PDCD1LG2: variants seen among roughly 807,000 people sequenced by gnomAD.
PDCD1LG2 encodes the protein B7 dendritic cell molecule.
Under a neutral mutation model 28.2 loss-of-function variants are expected in PDCD1LG2, and 32 were observed. The ratio of observed to expected loss-of-function variants is 1.13; its 90% CI spans 0.86 to 1.52. PDCD1LG2 has a LOEUF of 1.52. PDCD1LG2 is among the 40% of genes most tolerant of loss of function. The pLI, the probability that PDCD1LG2 is intolerant of heterozygous loss-of-function variation, is 0.00. For synonymous variants in PDCD1LG2, 116 were observed against 120.2 expected (o/e 0.97, Z 0.23); for missense variants, 385 against 323.8 (o/e 1.19, Z -1.45).
At chr9:5,543,336 A>G (rs373023919) in intron 3 of PDCD1LG2, among the ~76,000 whole-genome samples, 192 of 152,130 alleles carry the variant, frequency 1.3e-3, no homozygotes, top group Non-Finnish European at 1.6e-3. Flanking sequence ...TCAGGAGATC[A>G]AGATCATCCT....
intron 3 of PDCD1LG2, among the ~76,000 whole-genome samples, chr9:5,539,983 T>C (rs565118412): frequency 2.6e-5 from 4 of 152,174 alleles, no homozygotes; most frequent in Non-Finnish European, 5.9e-5. Flanking sequence ...AGATAGACTA[T>C]ATAGTAGGCC....
chr9:5,534,897 C>A lies in PDCD1LG2; in HGVS notation c.208C>A (p.Arg70Ser), dbSNP rs576049863. ...QKVENDTSPH[R>S]ERATLLEEQL... ...GGTGGAAAATGATACATCCCCACAC[C>A]GTGAAAGAGCCACTTTGCTGGAGGA... Residue 70 changes from arginine (R) to serine (S), a missense_variant, in exon 3 of 7, where the codon CGT becomes AGT. By Grantham distance (110) the Arg-to-Ser change is moderately radical (BLOSUM62 -1). Coordinates refer to ENST00000397747, the MANE Select transcript of PDCD1LG2 (RefSeq NM_025239.4). 4 of 1,614,114 alleles carry A rather than the reference C, an allele frequency of 2.5e-6. No homozygotes were observed. In the South Asian group the frequency reaches 3.3e-5, roughly 13 times the overall value.
intron 3 of PDCD1LG2, among the ~76,000 whole-genome samples, chr9:5,543,178 G>A (rs185049699): frequency 9.1e-4 from 138 of 152,252 alleles, no homozygotes; most frequent in Non-Finnish European, 1.8e-3. Flanking sequence ...AGGATGGAAA[G>A]GCATAAGAAT....
chr9:5,552,339 C>T (rs371114857), intron 4 of PDCD1LG2, among the ~76,000 whole-genome samples: 1 of 152,164 alleles, frequency 6.6e-6, no homozygotes, highest in African/African-American at 2.4e-5. Flanking sequence ...AGTAGCAGAG[C>T]TTTAGATGCA....
chr9:5,527,828 C>A (rs1409094863), intron 2 of PDCD1LG2, among the ~76,000 whole-genome samples: 1 of 151,162 alleles, frequency 6.6e-6, no homozygotes, highest in Non-Finnish European at 1.5e-5. Flanking sequence ...GTATTCTTTT[C>A]TATTTTTTCT....
At chr9:5,529,419 C>T (rs1820439752) in intron 2 of PDCD1LG2, among the ~76,000 whole-genome samples, 2 of 152,204 alleles carry the variant, frequency 1.3e-5, no homozygotes, top group South Asian at 4.1e-4. Context: ...CATCCTTTCC[C>T]CATTCAATAG....
chr9:5,560,581 C>T lies in PDCD1LG2; in HGVS notation c.767-2581C>T, dbSNP rs187276005. On this transcript the variant is annotated intron_variant, in intron 5 of 6. Transcript: ENST00000397747. ...TGATGAGGTAGGAGGAGGTCCCTGC[C>T]TTAGCCACAGCTGCACACAGCCAGC... 8.6e-4 allele frequency among the ~76,000 whole-genome samples: 131 copies of T among 152,326 alleles called. 2 individuals are homozygous for T. The East Asian group carries it at 0.018, about 22-fold the overall frequency.
chr9:5,526,613 A>G (rs2129749847), intron 2 of PDCD1LG2, among the ~76,000 whole-genome samples: 1 of 152,056 alleles, frequency 6.6e-6, no homozygotes, highest in Admixed American at 6.5e-5. Flanking sequence ...AATTTTTTAA[A>G]CATTTTTAGT....
At chr9:5,538,708 A>C (rs913532459) in intron 3 of PDCD1LG2, among the ~76,000 whole-genome samples, 2 of 152,152 alleles carry the variant, frequency 1.3e-5, no homozygotes, top group African/African-American at 4.8e-5. Flanking sequence ...AAAAAAAAAA[A>C]AGAAATTGAC....
rs1486962744 is a variant in PDCD1LG2, at chr9:5,521,484, C to T, written c.-14-1049C>T. ...AAAACAAAGAAAAAATATATAAACT[C>T]GCCAACAGACCACTTCTCACCCCTA... On this transcript the variant is annotated intron_variant, in intron 1 of 6. Transcript: ENST00000397747. 4.6e-5 allele frequency among the ~76,000 whole-genome samples: 7 copies of T among 152,218 alleles called. No individual in the cohort carries two copies. In the Middle Eastern group the frequency reaches 0.01, roughly 223 times the overall value.
chr9:5,533,692 T>TGTA (rs1820525684), intron 2 of PDCD1LG2, among the ~76,000 whole-genome samples: 1 of 152,082 alleles, frequency 6.6e-6, no homozygotes, highest in African/African-American at 2.4e-5. Context: ...TACATACTTC[T>TGTA]AGTGGCGTGT....
rs1258396861 is a variant in PDCD1LG2, at chr9:5,570,994, G to C, written c.*1035G>C. 8.6e-6 allele frequency: 2 copies of C among 232,552 alleles called. No homozygotes were observed. The highest frequency in any genetic ancestry group is 1.7e-5 in the Non-Finnish European group (2 of 117,678). The allele number at this position is 232,552 out of a possible 1,614,324, so 14.4% of individuals were successfully genotyped here. On this transcript the variant is annotated 3_prime_UTR_variant, in exon 7 of 7. Coordinates refer to ENST00000397747, the MANE Select transcript of PDCD1LG2 (RefSeq NM_025239.4). The stretch of plus-strand genomic sequence containing the variant: ...TCGGCTACAGTAACAGCTTAATTTT[G>C]TTAAATTTGTTCTTTATACTGGAGC...
At chr9:5,545,528 T>C (rs138131217) in intron 3 of PDCD1LG2, among the ~76,000 whole-genome samples, 337 of 152,340 alleles carry the variant, frequency 2.2e-3, no homozygotes, top group African/African-American at 7.5e-3. Flanking sequence ...AAAATATTAC[T>C]AAAGATAACA....
At chr9:5,518,685 C>T (rs1022908627) in intron 1 of PDCD1LG2, among the ~76,000 whole-genome samples, 1 of 152,192 alleles carries the variant, frequency 6.6e-6, no homozygotes, top group Non-Finnish European at 1.5e-5. Flanking sequence ...CACTGAGGAC[C>T]TTACATTTCC....
chr9:5,515,937 A>AAG (rs1554643430), intron 1 of PDCD1LG2, among the ~76,000 whole-genome samples: 4 of 149,824 alleles, frequency 2.7e-5, no homozygotes, highest in Admixed American at 6.6e-5. Context: ...AAAAAAAAAA[A>AAG]AAAAAAAAAA....
rs765120301 is a variant in PDCD1LG2, at chr9:5,549,526, C to A, written c.553C>A (p.Pro185Thr). ...CACCAGTGTTCTGCGCCTAAAGCCA[C>A]CCCCTGGCAGAAACTTCAGCTGTGT... Reference protein sequence around the residue: ...QVTSVLRLKPPPGRNFSCVFW... With the variant: ...QVTSVLRLKPTPGRNFSCVFW... The change falls in exon 4 of 7, where the codon CCC becomes ACC. Residue 185 changes from proline to threonine, a missense_variant. Physicochemically the swap from Pro to Thr is conservative, Grantham distance 38. Transcript: ENST00000397747. 1.2e-6 allele frequency: 2 copies of A among 1,614,204 alleles called. No homozygotes were observed. Among genetic ancestry groups the A allele is most frequent in the East Asian group, 2.2e-5 (1 of 44,890 alleles).
chr9:5,533,917 T>G lies in PDCD1LG2; in HGVS notation c.56-828T>G, dbSNP rs1026133867. 2.0e-5 allele frequency among the ~76,000 whole-genome samples: 3 copies of G among 150,556 alleles called. No homozygotes were observed. The Admixed American group carries it at 2.0e-4, about 10-fold the overall frequency. On this transcript the variant is annotated intron_variant, in intron 2 of 6. Transcript: ENST00000397747. Reference sequence around the variant, plus strand: ...AAAGTACCTAGCACAGTGCCTGGCATAGAACATACTAGATATACATTAAGT... The same window carrying G: ...AAAGTACCTAGCACAGTGCCTGGCAGAGAACATACTAGATATACATTAAGT...
At chr9:5,533,310 C>G (rs1586801868) in intron 2 of PDCD1LG2, among the ~76,000 whole-genome samples, 1 of 152,284 alleles carries the variant, frequency 6.6e-6, no homozygotes, top group East Asian at 1.9e-4. Context: ...GTAACACTAC[C>G]TTTACTAGTT....
chr9:5,531,520 G>T (rs1820483559), intron 2 of PDCD1LG2, among the ~76,000 whole-genome samples: 1 of 152,126 alleles, frequency 6.6e-6, no homozygotes, highest in Non-Finnish European at 1.5e-5. Flanking sequence ...CTGACAAGTA[G>T]CATATTTTAT....
Sources: gnomAD v4.1 joint callset for allele counts (sites outside exome capture counted in the v4.1 genomes callset) on GRCh38, gnomAD v4.1.1 for gene constraint, MANE v1.5 for transcripts, NCBI Gene and HGNC (gene_info 2026-07-23, HGNC 2026-07-21) for gene names.